The following BORA variants were observed in gnomAD, a reference collection of about 807,000 sequenced individuals.
The protein encoded by BORA is BORA aurora kinase A activator.
In BORA, 26 loss-of-function variants were observed where a neutral mutation model predicts 55.8. That is an observed-to-expected ratio of 0.47 (90% CI 0.34 to 0.65). The LOEUF (loss-of-function observed/expected upper bound fraction) is 0.65, where lower values mean the gene tolerates loss of function less well. Ranked by LOEUF, BORA falls within the 30% of genes least tolerant of loss-of-function variation. The pLI, the probability that BORA is intolerant of heterozygous loss-of-function variation, is 0.01. For synonymous variants in BORA, 201 were observed against 216.9 expected (o/e 0.93, Z 0.64); for missense variants, 568 against 671.5 (o/e 0.85, Z 1.70).
chr13:72,736,438 T>G (rs1803762805), intron 4 of BORA, among the ~76,000 whole-genome samples: 1 of 152,186 alleles, frequency 6.6e-6, no homozygotes, highest in African/African-American at 2.4e-5. Flanking sequence ...CATATGTCCT[T>G]AAAATATTTT....
At chr13:72,739,768 A>C (rs2032999789) in intron 5 of BORA, among the ~76,000 whole-genome samples, 1 of 152,200 alleles carries the variant, frequency 6.6e-6, no homozygotes, top group South Asian at 2.1e-4. Context: ...GGAGAGACAC[A>C]AGATGGAAAT....
rs183901129 is a variant in BORA, at chr13:72,755,287, T to G, written c.*71T>G. 4,846 of 1,312,358 alleles carry G rather than the reference T, an allele frequency of 3.7e-3. 13 individuals carry two copies. The highest frequency in any genetic ancestry group is 4.7e-3 in the Non-Finnish European group (4,360 of 921,018). The allele number at this position is 1,312,358 out of a possible 1,614,324, so 81.3% of individuals were successfully genotyped here. Reference sequence around the variant, plus strand: ...TATATCGTTGTGCACAGGATCAACATGATGGTGACTGGGAAAAAATTACTT... The same window carrying G: ...TATATCGTTGTGCACAGGATCAACAGGATGGTGACTGGGAAAAAATTACTT... On this transcript the variant is annotated 3_prime_UTR_variant, in exon 12 of 12. Transcript: ENST00000390667.
intron 10 of BORA, chr13:72,752,202 G>A (rs1165861051): frequency 6.6e-6 from 1 of 152,098 alleles, no homozygotes. Flanking sequence ...CCAGGCTGTG[G>A]GATCTTAAGG....
intron 11 of BORA, 89 bp from the exon 12 acceptor site, chr13:72,755,062 G>T: frequency 9.6e-7 from 1 of 1,039,238 alleles, no homozygotes; most frequent in Non-Finnish European, 1.5e-6. Flanking sequence ...AAAGAAACGT[G>T]CTTTTAGGTT....
chr13:72,743,426 T>TA (rs993609445), intron 5 of BORA, 111 bp from the exon 6 acceptor site: 2 of 625,782 alleles, frequency 3.2e-6, no homozygotes, highest in African/African-American at 3.8e-5. Context: ...AGATTTTTTT[T>TA]AATGTTGCAA....
In BORA at chr13:72,745,144, G is replaced by A; in HGVS notation, c.675G>A (p.Glu225=). The change falls in exon 8 of 12, where the codon GAG becomes GAA. Residue 225 remains glutamate, a synonymous_variant. Transcript: ENST00000390667. The stretch of plus-strand genomic sequence containing the variant: ...ACAGTGGTGTTCAAACATCACTAGA[G>A]ATGTTTTATTCAATAGATTTGTCTC... ...SPHSGVQTSL[E]MFYSIDLSPV... is the part of the protein sequence containing the mutation. 1 of 1,614,126 alleles carries A rather than the reference G, an allele frequency of 6.2e-7. No homozygotes were observed. The highest frequency in any genetic ancestry group is 8.5e-7 in the Non-Finnish European group (1 of 1,179,984).
intron 10 of BORA, chr13:72,752,259 C>A (rs1422301845): frequency 2.6e-5 from 4 of 152,012 alleles, no homozygotes; most frequent in African/African-American, 9.7e-5. Context: ...TAATTTTTGT[C>A]CCCTCATCCT....
chr13:72,756,060 A>AAACTT lies in BORA; in HGVS notation c.*846_*850dup, dbSNP rs1290950061. The AAACTT allele has an allele frequency of 2.5e-6, 1 of 396,812 alleles. No individual in the cohort carries two copies. The highest frequency in any genetic ancestry group is 4.4e-5 in the Admixed American group (1 of 22,602). The allele number at this position is 396,812 out of a possible 1,614,324, so 24.6% of individuals were successfully genotyped here. On this transcript the variant is annotated 3_prime_UTR_variant, in exon 12 of 12. Transcript: ENST00000390667. ...TGTTATATACAACTATTTTTTTAAA[A>AAACTT]AACTTATATCCATGTTGGGAGTAGA...
intron 5 of BORA, among the ~76,000 whole-genome samples, chr13:72,739,340 C>G (rs2032992050): frequency 6.6e-6 from 1 of 152,156 alleles, no homozygotes. Flanking sequence ...ACACTTTAGA[C>G]TCTTTGAAAT....
At chr13:72,737,223 C>T (rs1024292113) in intron 4 of BORA, among the ~76,000 whole-genome samples, 1 of 152,280 alleles carries the variant, frequency 6.6e-6, no homozygotes, top group Non-Finnish European at 1.5e-5. Context: ...AACTTGCTCT[C>T]TGGTCGTGGA....
At chr13:72,743,648 T>C (rs768506032) in intron 6 of BORA, 46 bp downstream of exon 6, 2 of 1,434,558 alleles carry the variant, frequency 1.4e-6, no homozygotes, top group Non-Finnish European at 1.9e-6. Flanking sequence ...CATATTAAGC[T>C]ACATTGAATT....
At chr13:72,754,765 G>C (rs1007356388) in intron 11 of BORA, 2 of 160,390 alleles carry the variant, frequency 1.2e-5, no homozygotes, top group Admixed American at 6.5e-5. Context: ...ACCCAGGCTA[G>C]AGTGTAGTGG....
rs2033463350 is a variant in BORA, at chr13:72,756,124, T to C, written c.*908T>C. ...GTTTGGAAATACTATCTTTGGAGAA[T>C]GTATTTTTGTATTTATAAATCAACT... On this transcript the variant is annotated 3_prime_UTR_variant, in exon 12 of 12. Transcript: ENST00000390667. 2.5e-6 allele frequency: 1 copy of C among 394,648 alleles called. No homozygotes were observed. The highest frequency in any genetic ancestry group is 4.5e-6 in the Non-Finnish European group (1 of 224,326). The allele number at this position is 394,648 out of a possible 1,614,324, so 24.4% of individuals were successfully genotyped here.
At position 72,756,101 on chromosome 13, in the gene BORA, T is replaced by C; in HGVS notation, c.*885T>C. On this transcript the variant is annotated 3_prime_UTR_variant, in exon 12 of 12. Coordinates refer to ENST00000390667, the MANE Select transcript of BORA (RefSeq NM_024808.5). ...TGGGAGTAGATGGGTATATAACAGTTTGGAAATACTATCTTTGGAGAATGT... is the reference window on the plus strand; with the variant it reads ...TGGGAGTAGATGGGTATATAACAGTCTGGAAATACTATCTTTGGAGAATGT... The C allele has an allele frequency of 2.5e-6, 1 of 396,836 alleles. No individual in the cohort carries two copies. 24.6% of individuals were successfully genotyped at this position (396,836 alleles called of 1,614,324 possible).
At chr13:72,750,482 C>T (rs534301119) in intron 10 of BORA, among the ~76,000 whole-genome samples, 1 of 152,142 alleles carries the variant, frequency 6.6e-6, no homozygotes, top group Admixed American at 6.5e-5. Flanking sequence ...TTTTACTTAA[C>T]CCATTTATGC....
intron 2 of BORA, 103 bp downstream of exon 2, chr13:72,729,196 A>G (rs1472097405): frequency 7.2e-6 from 7 of 974,750 alleles, no homozygotes; most frequent in Non-Finnish European, 8.9e-6. Flanking sequence ...GAGGAAATAC[A>G]TTATGGAGCA....
At chr13:72,741,404 A>G (rs1251737358) in intron 5 of BORA, among the ~76,000 whole-genome samples, 1 of 152,160 alleles carries the variant, frequency 6.6e-6, no homozygotes, top group Non-Finnish European at 1.5e-5. Flanking sequence ...GACCTTTTAC[A>G]TTTCATAGAA....
chr13:72,742,703 T>TG (rs2033056555), intron 5 of BORA, among the ~76,000 whole-genome samples: 3 of 151,870 alleles, frequency 2.0e-5, no homozygotes, highest in Admixed American at 6.6e-5. Context: ...AGCCAAGATA[T>TG]GGAGTCAACC....
At chr13:72,752,514 GT>G (rs1176489992) in intron 10 of BORA, 1 of 152,110 alleles carries the variant, frequency 6.6e-6, no homozygotes, top group Admixed American at 6.5e-5. Context: ...TATATATCCA[GT>G]TACATATTAG....
Sources: allele counts gnomAD v4.1 joint callset (sites outside exome capture counted in the v4.1 genomes callset), GRCh38; gene constraint gnomAD v4.1.1; transcripts MANE v1.5; gene names NCBI Gene and HGNC (gene_info 2026-07-23, HGNC 2026-07-21).